The following RGS6 variants were observed in gnomAD, a reference collection of about 807,000 sequenced individuals.
RGS6 encodes the protein regulator of G protein signaling 6.
RGS6 carries 30 observed loss-of-function variants against 78.5 expected under a neutral mutation model. The ratio of observed to expected loss-of-function variants is 0.38; its 90% confidence interval spans 0.29 to 0.52. The LOEUF (loss-of-function observed/expected upper bound fraction) is 0.52. RGS6 is among the 20% of genes least tolerant of loss of function. The pLI is 0.85. For synonymous variants in RGS6, 206 were observed against 206.0 expected, an observed-to-expected ratio of 1.00 and a Z score of 0.00; for missense variants, 495 against 609.7, an observed-to-expected ratio of 0.81 and a Z score of 1.98.
At chr14:72,380,631 T>G (rs1475661007) in intron 3 of RGS6, among the ~76,000 whole-genome samples, 2 of 152,094 alleles carry the variant, frequency 1.3e-5, no homozygotes, top group African/African-American at 4.8e-5. Context: ...GGTATCATTT[T>G]ACCCCAGTCA....
chr14:71,955,801 C>A (rs1390579219), intron 1 of RGS6, among the ~76,000 whole-genome samples: 1 of 148,418 alleles, frequency 6.7e-6, no homozygotes, highest in African/African-American at 2.5e-5. Flanking sequence ...GCGTAACTCT[C>A]TGGGAATGCA....
At chr14:71,993,453 T>C (rs2095055936) in intron 2 of RGS6, among the ~76,000 whole-genome samples, 1 of 152,232 alleles carries the variant, frequency 6.6e-6, no homozygotes, top group South Asian at 2.1e-4. Context: ...TATTGATCCC[T>C]TACTGTATTC....
upstream of RGS6, among the ~76,000 whole-genome samples, chr14:71,929,092 CA>C (rs2087762939): frequency 6.6e-6 from 1 of 152,088 alleles, no homozygotes; most frequent in Admixed American, 6.5e-5. Flanking sequence ...GCCCCTTTAC[CA>C]CTTCATATTT....
rs570632094 is a variant in RGS6 at position 72,070,784 on chromosome 14, G to T, written c.84+105909G>T. ...CTTAAACCTAGGCTCAAGTACTCTG[G>T]AGTTAAACAAGTGGCCCAAGGCAAA... On this transcript the variant is annotated intron_variant, in intron 2 of 17. Transcript: ENST00000553525. Among the ~76,000 whole-genome samples the T allele has an allele frequency of 1.6e-4, 24 of 152,238 alleles. No individual in the cohort carries two copies. The South Asian group carries it at 5.0e-3, about 32-fold the overall frequency.
At chr14:72,366,456 T>C (rs978884265) in intron 3 of RGS6, among the ~76,000 whole-genome samples, 2 of 152,072 alleles carry the variant, frequency 1.3e-5, no homozygotes, top group Admixed American at 1.3e-4. Context: ...GTTTAGCAAA[T>C]AAATATTTCT....
chr14:72,042,397 G>A (rs1280928257), intron 2 of RGS6, among the ~76,000 whole-genome samples: 2 of 151,922 alleles, frequency 1.3e-5, no homozygotes, highest in Non-Finnish European at 2.9e-5. Context: ...ACAAAGTGCT[G>A]GGATTATGGG....
intron 2 of RGS6, among the ~76,000 whole-genome samples, chr14:72,125,020 G>T (rs768597813): frequency 1.3e-5 from 2 of 152,182 alleles, no homozygotes; most frequent in African/African-American, 2.4e-5. Context: ...TTTTGCAAAG[G>T]TTCTCTTTCA....
chr14:72,346,297 G>GA (rs200986966), intron 2 of RGS6, among the ~76,000 whole-genome samples: 4 of 151,990 alleles, frequency 2.6e-5, no homozygotes, highest in East Asian at 3.8e-4. Context: ...TGAATTTATA[G>GA]AAAAAAAATT....
intron 2 of RGS6, among the ~76,000 whole-genome samples, chr14:72,140,801 T>A (rs987369267): frequency 6.6e-6 from 1 of 152,194 alleles, no homozygotes; most frequent in African/African-American, 2.4e-5. Context: ...TTGAGCAAGC[T>A]GCATCTTGAA....
intron 2 of RGS6, among the ~76,000 whole-genome samples, chr14:72,257,085 C>A (rs970215629): frequency 6.6e-6 from 1 of 152,110 alleles, no homozygotes; most frequent in Non-Finnish European, 1.5e-5. Context: ...CTGTGAAAAC[C>A]AAGATAAGGA....
intron 2 of RGS6, among the ~76,000 whole-genome samples, chr14:72,224,660 C>A (rs1250182247): frequency 6.6e-6 from 1 of 152,072 alleles, no homozygotes; most frequent in Non-Finnish European, 1.5e-5. Context: ...TTTTAGGACA[C>A]TGTACACTTT....
chr14:72,062,907 C>A (rs2093962721), intron 2 of RGS6, among the ~76,000 whole-genome samples: 1 of 152,108 alleles, frequency 6.6e-6, no homozygotes, highest in African/African-American at 2.4e-5. Flanking sequence ...ACTCACTGCA[C>A]CCTCTGCCAC....
chr14:72,324,838 C>A (rs902636335), intron 2 of RGS6, among the ~76,000 whole-genome samples: 9 of 152,100 alleles, frequency 5.9e-5, no homozygotes, highest in African/African-American at 2.2e-4. Flanking sequence ...GTCTTTATAG[C>A]AGCATGATTT....
At chr14:72,387,621 GA>G (rs2088633148) in intron 3 of RGS6, among the ~76,000 whole-genome samples, 2 of 151,482 alleles carry the variant, frequency 1.3e-5, no homozygotes. Flanking sequence ...ATTTTACAAA[GA>G]AAAAAATGTA....
upstream of RGS6, among the ~76,000 whole-genome samples, chr14:71,931,649 A>G (rs2152921559): frequency 6.6e-6 from 1 of 152,318 alleles, no homozygotes; most frequent in South Asian, 2.1e-4. Flanking sequence ...TTGATATTGC[A>G]CACAAATCCC....
the RGS6 span, among the ~76,000 whole-genome samples, chr14:72,626,605 T>C: frequency 6.6e-6 from 1 of 152,148 alleles, no homozygotes; most frequent in African/African-American, 2.4e-5. Flanking sequence ...ATTTAGGTTG[T>C]TTCCAATATT....
At chr14:71,958,666 C>G (rs1351682210) in intron 1 of RGS6, among the ~76,000 whole-genome samples, 1 of 152,080 alleles carries the variant, frequency 6.6e-6, no homozygotes, top group East Asian at 1.9e-4. Context: ...AGGAGCCCCC[C>G]CATTAGCATG....
At chr14:71,936,996 C>T (rs1462372841) in intron 1 of RGS6, among the ~76,000 whole-genome samples, 1 of 152,174 alleles carries the variant, frequency 6.6e-6, no homozygotes, top group Non-Finnish European at 1.5e-5. Flanking sequence ...GTAGTCCCGC[C>T]TGGATTGGGC....
intron 4 of RGS6, among the ~76,000 whole-genome samples, chr14:72,456,954 T>C (rs1183571982): frequency 1.3e-5 from 2 of 151,724 alleles, no homozygotes; most frequent in South Asian, 4.2e-4. Context: ...CGTGGTGGCA[T>C]GTGCCTGTGG....
Sources: allele counts gnomAD v4.1 joint callset (sites outside exome capture counted in the v4.1 genomes callset), GRCh38; gene constraint gnomAD v4.1.1; transcripts MANE v1.5; gene names NCBI Gene and HGNC (gene_info 2026-07-23, HGNC 2026-07-21).